Variants in RBM28 observed in about 807,000 individuals in gnomAD.
The protein encoded by RBM28 is RNA binding motif protein 28, also known as RNA-binding protein 28.
A neutral mutation model predicts 98.3 loss-of-function variants in RBM28; 78 were observed. The observed-to-expected ratio is 0.79, with a 90% confidence interval of 0.66 to 0.96. RBM28 has a LOEUF of 0.96. Among genes scored for constraint, RBM28 ranks in the 40% least tolerant of loss-of-function variants. The probability of loss-of-function intolerance (pLI) is 0.00; values close to 1 mark genes in which losing one functional copy is unlikely to be tolerated. For synonymous variants in RBM28, 306 were observed against 330.9 expected (o/e 0.92, Z 0.82); for missense variants, 838 against 913.0 (o/e 0.92, Z 1.06).
In RBM28 at chr7:128,338,714, G is replaced by A; in HGVS notation, c.448+12C>T. ...CTAACGTAATCCACACCAAGTGAAG[G>A]TTTATTAGTACCTGGTTTCCTAGGG... On this transcript the variant is annotated intron_variant, in intron 4 of 18. Coordinates refer to ENST00000223073, the MANE Select transcript of RBM28 (RefSeq NM_018077.3). 4.5e-6 allele frequency: 7 copies of A among 1,551,490 alleles called. No homozygotes were observed. Among genetic ancestry groups the A allele is most frequent in the Non-Finnish European group, 5.3e-6 (6 of 1,123,040 alleles).
At chr7:128,335,803 C>A (rs1165344881) in intron 7 of RBM28, 44 bp downstream of exon 7, 1 of 1,613,958 alleles carries the variant, frequency 6.2e-7, no homozygotes, top group South Asian at 1.1e-5. Context: ...CGGAGACAAT[C>A]TTGAATCTTC....
chr7:128,333,178 G>A (rs1042786275), intron 9 of RBM28, 112 bp downstream of exon 9: 8 of 815,664 alleles, frequency 9.8e-6, no homozygotes, highest in Admixed American at 5.6e-5. Context: ...GACCAGATGT[G>A]CTTGATCTAA....
At chr7:128,325,193 A>G (rs1796322083) in intron 11 of RBM28, among the ~76,000 whole-genome samples, 1 of 152,268 alleles carries the variant, frequency 6.6e-6, no homozygotes, top group African/African-American at 2.4e-5. Context: ...TGGGCCTCAC[A>G]ATATTTAGTA....
At chr7:128,322,839 C>G (rs1796265492) in intron 13 of RBM28, among the ~76,000 whole-genome samples, 2 of 152,138 alleles carry the variant, frequency 1.3e-5, no homozygotes. Flanking sequence ...AAAAAAGACG[C>G]ACTGCCTCCT....
In RBM28 at chr7:128,301,791, G is replaced by A. The variant is rs1250213997; in HGVS notation, c.*9006C>T. The A allele has an allele frequency of 6.6e-6, 1 of 152,144 alleles. No homozygotes were observed. Among genetic ancestry groups the A allele is most frequent in the Non-Finnish European group, 1.5e-5 (1 of 67,990 alleles). 9.4% of individuals were successfully genotyped at this position (152,144 alleles called of 1,614,324 possible). A position where few individuals can be genotyped will look rare whatever the true frequency, so the allele number is the denominator to read the frequency against. ...CTATTAAGTGCCTGCTCTCTACTAGGGATTCCTAGGGGGTGGCCAAGAGAA... is the reference window on the plus strand; with the variant it reads ...CTATTAAGTGCCTGCTCTCTACTAGAGATTCCTAGGGGGTGGCCAAGAGAA... On this transcript the variant is annotated 3_prime_UTR_variant, in exon 19 of 19. Transcript: ENST00000223073.
chr7:128,300,748 T>C lies in RBM28; in HGVS notation c.*10049A>G, dbSNP rs1046111606. ...CAATTGTTGGGTGCGGTTGCATGGA[T>C]TGATGTCAAAAGCCTCCCAAGGCCC... is the stretch of plus-strand genomic sequence containing the variant. On this transcript the variant is annotated 3_prime_UTR_variant, in exon 19 of 19. Transcript: ENST00000223073. 1 of 152,314 alleles carries C rather than the reference T, an allele frequency of 6.6e-6. No homozygotes were observed. The highest frequency in any genetic ancestry group is 1.5e-5 in the Non-Finnish European group (1 of 68,078). 9.4% of individuals were successfully genotyped at this position (152,314 alleles called of 1,614,324 possible). A position where few individuals can be genotyped will look rare whatever the true frequency, so the allele number is the denominator to read the frequency against.
At position 128,310,232 on chromosome 7, in the gene RBM28, C is replaced by A. The variant is rs897118582; in HGVS notation, c.*565G>T. 10 of 164,810 alleles carry A rather than the reference C, an allele frequency of 6.1e-5. No individual in the cohort carries two copies. Among genetic ancestry groups the A allele is most frequent in the Admixed American group, 1.7e-4 (3 of 17,194 alleles). 10.2% of individuals were successfully genotyped at this position (164,810 alleles called of 1,614,324 possible). On this transcript the variant is annotated 3_prime_UTR_variant, in exon 19 of 19. Coordinates refer to ENST00000223073, the MANE Select transcript of RBM28 (RefSeq NM_018077.3). ...CTGCTCTCTGTCAGGCCCCACCTCC[C>A]CCCATTCTTTTCCAAGTGTCTCCGC...
chr7:128,325,054 CATA>C lies in RBM28; in HGVS notation c.1204-363_1204-361del, dbSNP rs563855030. ...AAAAAAATAACAAAACAAAACAACA[CATA>C]ATGAGTAGAAACTAGAAACTAAGCA... On this transcript the variant is annotated intron_variant, in intron 11 of 18. Transcript: ENST00000223073. 7.2e-3 allele frequency among the ~76,000 whole-genome samples: 1,100 copies of C among 152,120 alleles called. 10 individuals carry two copies. Among genetic ancestry groups the C allele is most frequent in the Middle Eastern group, 0.037 (11 of 294 alleles).
At position 128,298,555 on chromosome 7, in the gene RBM28, A is replaced by C. The variant is rs1795738638; in HGVS notation, c.*12242T>G. 7.9e-6 allele frequency: 1 copy of C among 127,284 alleles called. No individual in the cohort carries two copies. The highest frequency in any genetic ancestry group is 2.7e-5 in the African/African-American group (1 of 37,468). The allele number at this position is 127,284 out of a possible 1,614,324, so 7.9% of individuals were successfully genotyped here. A position where few individuals can be genotyped will look rare whatever the true frequency, so the allele number is the denominator to read the frequency against. ...ATATTATTTTTACAATCAGAAAAAA[A>C]TGAACGGATTTATTTTCAAATGCCC... On this transcript the variant is annotated 3_prime_UTR_variant, in exon 19 of 19. Transcript: ENST00000223073.
At chr7:128,315,586 CTTTTGT>C (rs1419042968) in intron 16 of RBM28, among the ~76,000 whole-genome samples, 1 of 152,134 alleles carries the variant, frequency 6.6e-6, no homozygotes, top group African/African-American at 2.4e-5. Flanking sequence ...ATCTCTCTCT[CTTTTGT>C]TTTTAATAGG....
At chr7:128,324,728 T>C (rs1334501602) in intron 11 of RBM28, 34 bp from the exon 12 acceptor site, 4 of 1,613,748 alleles carry the variant, frequency 2.5e-6, no homozygotes, top group Middle Eastern at 1.7e-4. Context: ...TTAAAACACA[T>C]AATGGCCGGG....
In RBM28 at chr7:128,306,582, A is replaced by C. The variant is rs1795871923; in HGVS notation, c.*4215T>G. On this transcript the variant is annotated 3_prime_UTR_variant, in exon 19 of 19. Coordinates refer to ENST00000223073, the MANE Select transcript of RBM28 (RefSeq NM_018077.3). ...TTTTCCCTTTATCAAATGTCCAGGG[A>C]AGGAAACTGTGGGATGACACTGTGG... 6.6e-6 allele frequency: 1 copy of C among 152,216 alleles called. No homozygotes were observed. Among genetic ancestry groups the C allele is most frequent in the Admixed American group, 6.5e-5 (1 of 15,278 alleles). The allele number at this position is 152,216 out of a possible 1,614,324, so 9.4% of individuals were successfully genotyped here.
intron 4 of RBM28, 57 bp downstream of exon 4, chr7:128,338,669 G>A (rs1307252644): frequency 1.6e-6 from 2 of 1,239,894 alleles, no homozygotes; most frequent in Admixed American, 1.7e-5. Flanking sequence ...ATATATGTTT[G>A]TTCAAGGGTA....
chr7:128,311,248 G>A (rs960674635), intron 18 of RBM28, among the ~76,000 whole-genome samples: 48 of 152,100 alleles, frequency 3.2e-4, no homozygotes, highest in Non-Finnish European at 8.8e-5. Context: ...CACAGAGTCC[G>A]GCCATTCTTG....
rs550335100 is a variant in RBM28 at position 128,302,631 on chromosome 7, T to G, written c.*8166A>C. ...TCCTCAGACTCTCTTTTTTCACCTA[T>G]TAGTATGTATATGAGTACATTTGGC... On this transcript the variant is annotated 3_prime_UTR_variant, in exon 19 of 19. Transcript: ENST00000223073. 1.3e-5 allele frequency: 2 copies of G among 152,288 alleles called. No homozygotes were observed. Among genetic ancestry groups the G allele is most frequent in the South Asian group, 4.1e-4 (2 of 4,824 alleles). 9.4% of individuals were successfully genotyped at this position (152,288 alleles called of 1,614,324 possible).
chr7:128,320,186 C>T (rs1200034118), intron 14 of RBM28, among the ~76,000 whole-genome samples: 1 of 139,844 alleles, frequency 7.2e-6, no homozygotes, highest in Non-Finnish European at 1.5e-5. Context: ...CACTGCACTC[C>T]AGCTTAACGA....
At chr7:128,338,683 T>C in intron 4 of RBM28, 43 bp downstream of exon 4, 1 of 1,351,822 alleles carries the variant, frequency 7.4e-7, no homozygotes. Flanking sequence ...AAGGGTAATA[T>C]GTTAACTAAC....
intron 5 of RBM28, among the ~76,000 whole-genome samples, chr7:128,337,822 A>T (rs1796634731): frequency 6.6e-6 from 1 of 152,122 alleles, no homozygotes; most frequent in Non-Finnish European, 1.5e-5. Flanking sequence ...CGGCCTCCCA[A>T]AGTGCTAGGA....
At chr7:128,313,120 G>A in intron 18 of RBM28, 55 bp downstream of exon 18, 1 of 1,542,906 alleles carries the variant, frequency 6.5e-7, no homozygotes, top group Non-Finnish European at 9.0e-7. Flanking sequence ...TACAAACATG[G>A]CTACGACCTG....
Sources: gnomAD v4.1 joint callset for allele counts (sites outside exome capture counted in the v4.1 genomes callset) on GRCh38, gnomAD v4.1.1 for gene constraint, MANE v1.5 for transcripts, NCBI Gene and HGNC (gene_info 2026-07-23, HGNC 2026-07-21) for gene names.